Variants in KCNK2 observed in about 807,000 individuals in gnomAD.
KCNK2 encodes the protein potassium two pore domain channel subfamily K member 2.
In KCNK2, 21 loss-of-function variants were observed where a neutral mutation model predicts 40.5. That is an observed-to-expected ratio of 0.52 (90% CI 0.37 to 0.75). The LOEUF is 0.75. KCNK2 is among the 30% of genes least tolerant of loss of function. KCNK2 has a pLI of 0.00. For synonymous variants in KCNK2, 191 were observed against 202.2 expected (o/e 0.94, Z 0.47); for missense variants, 399 against 531.6 (o/e 0.75, Z 2.45).
At chr1:215,013,947 A>G (rs1656495177) in intron 1 of KCNK2, among the ~76,000 whole-genome samples, 1 of 152,164 alleles carries the variant, frequency 6.6e-6, no homozygotes. Context: ...TTTCAGTACT[A>G]TGCCAAATAG....
chr1:215,119,886 A>C (rs561049376), intron 2 of KCNK2, among the ~76,000 whole-genome samples: 2 of 152,334 alleles, frequency 1.3e-5, no homozygotes, highest in African/African-American at 4.8e-5. Context: ...TACTCTGATG[A>C]CCTGAACTGA....
At chr1:215,065,027 G>A (rs188226330) in intron 1 of KCNK2, among the ~76,000 whole-genome samples, 74 of 152,282 alleles carry the variant, frequency 4.9e-4, no homozygotes, top group Middle Eastern at 6.8e-3. Flanking sequence ...GGATTTAAAC[G>A]TTTTAGGTAT....
At position 215,172,009 on chromosome 1, in the gene KCNK2, A is replaced by G; in HGVS notation, c.649A>G (p.Ser217Gly). ...VEDTFIKWNV[S>G]QTKIRIISTI... ...GTCTCATCCCTAGAAGTGGAATGTT[A>G]GTCAGACCAAGATTCGCATCATCTC... Residue 217 changes from serine to glycine, a missense_variant, in exon 5 of 7, where the codon AGT becomes GGT. Physicochemically the swap from Ser to Gly is moderately conservative, Grantham distance 56 (BLOSUM62 0). Transcript: ENST00000444842. 1 of 1,611,752 alleles carries G rather than the reference A, an allele frequency of 6.2e-7. No individual in the cohort carries two copies.
intron 3 of KCNK2, among the ~76,000 whole-genome samples, chr1:215,138,265 T>C (rs570870491): frequency 1.3e-5 from 2 of 152,176 alleles, no homozygotes; most frequent in Non-Finnish European, 2.9e-5. Flanking sequence ...TCAGTACTCC[T>C]CTCCTGCAGA....
intron 2 of KCNK2, among the ~76,000 whole-genome samples, chr1:215,092,177 T>G (rs1659719892): frequency 6.6e-6 from 1 of 152,066 alleles, no homozygotes. Flanking sequence ...ACGATCAGAT[T>G]CTGGATGTAT....
At chr1:215,171,015 G>A (rs2102636276) in intron 4 of KCNK2, among the ~76,000 whole-genome samples, 1 of 152,226 alleles carries the variant, frequency 6.6e-6, no homozygotes, top group East Asian at 1.9e-4. Context: ...GAGGATGGTT[G>A]ACTAGAGGAA....
chr1:215,138,231 G>A (rs1229901328), intron 3 of KCNK2, among the ~76,000 whole-genome samples: 3 of 152,084 alleles, frequency 2.0e-5, no homozygotes, highest in Non-Finnish European at 4.4e-5. Flanking sequence ...TTAGCTCTGG[G>A]TGATGTTATA....
intron 2 of KCNK2, among the ~76,000 whole-genome samples, chr1:215,096,176 G>A (rs1232466813): frequency 2.0e-5 from 3 of 151,556 alleles, no homozygotes; most frequent in Admixed American, 6.6e-5. Flanking sequence ...AGACCTATAA[G>A]CATATATGGA....
At chr1:215,177,147 G>T (rs373245572) in intron 5 of KCNK2, among the ~76,000 whole-genome samples, 1 of 152,042 alleles carries the variant, frequency 6.6e-6, no homozygotes, top group East Asian at 1.9e-4. Context: ...CTTTTGAGAA[G>T]TGTCTATTCA....
intron 1 of KCNK2, among the ~76,000 whole-genome samples, chr1:215,023,035 G>A (rs1656863665): frequency 6.6e-6 from 1 of 152,172 alleles, no homozygotes; most frequent in Non-Finnish European, 1.5e-5. Flanking sequence ...TGAACAGTAT[G>A]CCTGTTAACA....
intron 2 of KCNK2, among the ~76,000 whole-genome samples, chr1:215,111,052 C>G (rs1238904378): frequency 6.6e-6 from 1 of 152,108 alleles, no homozygotes; most frequent in Non-Finnish European, 1.5e-5. Flanking sequence ...CCATAATTTG[C>G]TTTTTCAGAA....
chr1:215,142,297 T>C (rs1289292145), intron 3 of KCNK2, among the ~76,000 whole-genome samples: 2 of 152,278 alleles, frequency 1.3e-5, no homozygotes, highest in Non-Finnish European at 2.9e-5. Flanking sequence ...TTTGGAGACA[T>C]GCTCTTTTGA....
At chr1:215,228,944 T>C (rs1224575260) in intron 6 of KCNK2, among the ~76,000 whole-genome samples, 1 of 152,140 alleles carries the variant, frequency 6.6e-6, no homozygotes, top group Non-Finnish European at 1.5e-5. Context: ...AATGACTACA[T>C]TGCTATAAAC....
At chr1:215,146,802 T>C (rs1662436853) in intron 3 of KCNK2, among the ~76,000 whole-genome samples, 2 of 152,202 alleles carry the variant, frequency 1.3e-5, no homozygotes, top group Admixed American at 1.3e-4. Flanking sequence ...TTTGTACACA[T>C]TACTTCACTT....
In KCNK2 at chr1:215,232,331, A is replaced by G. The variant is rs565140694; in HGVS notation, c.964-2497A>G. 3.9e-5 allele frequency among the ~76,000 whole-genome samples: 6 copies of G among 152,322 alleles called. No individual in the cohort carries two copies. In the South Asian group the frequency reaches 1.0e-3, roughly 26 times the overall value. On this transcript the variant is annotated intron_variant, in intron 6 of 6. Coordinates refer to ENST00000444842, the MANE Select transcript of KCNK2 (RefSeq NM_001017425.3). Reference sequence around the variant, plus strand: ...ACTAAAATTCGATGAGAAAAAAGCTATGTACAAAACAATGTGTGTACTATA... The same window carrying G: ...ACTAAAATTCGATGAGAAAAAAGCTGTGTACAAAACAATGTGTGTACTATA...
intron 1 of KCNK2, among the ~76,000 whole-genome samples, chr1:215,051,313 G>A (rs186268468): frequency 2.0e-5 from 3 of 152,140 alleles, no homozygotes; most frequent in African/African-American, 7.2e-5. Flanking sequence ...TAAAGATAAA[G>A]CAGTCACTCA....
At position 215,209,381 on chromosome 1, in the gene KCNK2, A is replaced by T. The variant is rs866120928; in HGVS notation, c.963+14289A>T. 5.3e-4 allele frequency among the ~76,000 whole-genome samples: 24 copies of T among 45,142 alleles called. No homozygotes were observed. The South Asian group carries it at 0.012, about 22-fold the overall frequency. The allele number at this position is 45,142 out of a possible 152,430, so 29.6% of individuals were successfully genotyped here. On this transcript the variant is annotated intron_variant, in intron 6 of 6. Transcript: ENST00000444842. ...ATAATATATGCATATATTATATATA[A>T]AATATATATATTATATATAAAATAT...
chr1:215,194,602 A>G (rs1664790029), intron 5 of KCNK2, among the ~76,000 whole-genome samples: 1 of 152,164 alleles, frequency 6.6e-6, no homozygotes, highest in South Asian at 2.1e-4. Context: ...CCTATCTTCT[A>G]TTTGTTAAAA....
chr1:215,185,609 T>C (rs375743174), intron 5 of KCNK2, among the ~76,000 whole-genome samples: 2 of 152,204 alleles, frequency 1.3e-5, no homozygotes. Context: ...CTGGGAAATA[T>C]CAATTATTTA....
Sources: allele counts gnomAD v4.1 joint callset (sites outside exome capture counted in the v4.1 genomes callset), GRCh38; gene constraint gnomAD v4.1.1; transcripts MANE v1.5; gene names NCBI Gene and HGNC (gene_info 2026-07-23, HGNC 2026-07-21).